The following SLX4IP variants were observed in gnomAD, a reference collection of about 807,000 sequenced individuals.
SLX4IP encodes the protein protein SLX4IP.
SLX4IP carries 34 observed loss-of-function variants against 32.9 expected under a neutral mutation model. The observed-to-expected ratio is 1.03, with a 90% CI of 0.79 to 1.38. SLX4IP has a LOEUF of 1.38. SLX4IP is among the 40% of genes most tolerant of loss of function. SLX4IP has a pLI of 0.00. For synonymous variants in SLX4IP, 172 were observed against 171.7 expected, an observed-to-expected ratio of 1.00 and a Z score of -0.01; for missense variants, 444 against 479.0, an observed-to-expected ratio of 0.93 and a Z score of 0.68.
chr20:10,609,970 CAAAGTT>C (rs2066947822), intron 6 of SLX4IP, among the ~76,000 whole-genome samples: 1 of 151,452 alleles, frequency 6.6e-6, no homozygotes, highest in Admixed American at 6.6e-5. Flanking sequence ...TTTTTCTGGT[CAAAGTT>C]AAATAGCTTC....
At chr20:10,477,117 T>C (rs1395522663) in intron 2 of SLX4IP, among the ~76,000 whole-genome samples, 3 of 152,184 alleles carry the variant, frequency 2.0e-5, no homozygotes, top group Non-Finnish European at 4.4e-5. Context: ...TGTCTTAGGT[T>C]CTAAAGATAC....
chr20:10,517,658 G>T (rs942642968), intron 2 of SLX4IP, among the ~76,000 whole-genome samples: 1 of 152,112 alleles, frequency 6.6e-6, no homozygotes, highest in Non-Finnish European at 1.5e-5. Flanking sequence ...TGCTGCATAG[G>T]GTTGATGTGA....
At chr20:10,450,931 T>A (rs1343889192) in intron 1 of SLX4IP, among the ~76,000 whole-genome samples, 1 of 151,934 alleles carries the variant, frequency 6.6e-6, no homozygotes, top group East Asian at 1.9e-4. Flanking sequence ...TTTTTGGGTT[T>A]TTAGTAGAGA....
At chr20:10,597,722 G>C (rs1426235158) in intron 4 of SLX4IP, among the ~76,000 whole-genome samples, 2 of 152,134 alleles carry the variant, frequency 1.3e-5, no homozygotes, top group African/African-American at 4.8e-5. Context: ...GAGTGCTATT[G>C]TGAACACTGT....
chr20:10,620,944 TAGA>T (rs201521890), intron 6 of SLX4IP, among the ~76,000 whole-genome samples: 3,660 of 152,278 alleles, frequency 0.024, 101 homozygotes, highest in Admixed American at 0.088. Flanking sequence ...CAGGTCTTGC[TAGA>T]AGAACAGAGC....
In SLX4IP at chr20:10,562,021, C is replaced by T. The variant is rs2066337952; in HGVS notation, c.238+1201C>T. On this transcript the variant is annotated intron_variant, in intron 4 of 7. Coordinates refer to ENST00000334534, the MANE Select transcript of SLX4IP (RefSeq NM_001009608.3). ...ACCCTTAGGGGAACATACAGACGGG[C>T]AGTTCATAGGAAGCATGGGCTCCAA... is the stretch of plus-strand genomic sequence containing the variant. 2.6e-5 allele frequency among the ~76,000 whole-genome samples: 4 copies of T among 152,096 alleles called. No individual in the cohort carries two copies. In the South Asian group the frequency reaches 8.3e-4, roughly 31 times the overall value.
chr20:10,474,111 C>G (rs755100027), intron 2 of SLX4IP, among the ~76,000 whole-genome samples: 1 of 152,152 alleles, frequency 6.6e-6, no homozygotes, highest in South Asian at 2.1e-4. Flanking sequence ...GCGTGAGCCA[C>G]GGTGCTCGGC....
chr20:10,534,610 C>T (rs1169320939), intron 2 of SLX4IP, among the ~76,000 whole-genome samples: 1 of 152,156 alleles, frequency 6.6e-6, no homozygotes. Flanking sequence ...AGCCAAGGTC[C>T]TTTCTGCTTT....
At chr20:10,561,538 C>A in intron 4 of SLX4IP, among the ~76,000 whole-genome samples, 1 of 139,668 alleles carries the variant, frequency 7.2e-6, no homozygotes, top group South Asian at 2.3e-4. Context: ...ATCTATTTTT[C>A]TTTTTTCTTT....
intron 2 of SLX4IP, among the ~76,000 whole-genome samples, chr20:10,494,296 TG>T (rs1283891128): frequency 2.6e-5 from 4 of 151,640 alleles, no homozygotes; most frequent in African/African-American, 9.7e-5. Context: ...TGCCTGGGCC[TG>T]TGGTTCTAGG....
At chr20:10,521,970 A>G (rs919014233) in intron 2 of SLX4IP, among the ~76,000 whole-genome samples, 1 of 152,312 alleles carries the variant, frequency 6.6e-6, no homozygotes. Context: ...AGAGATCTGA[A>G]GTATGTGTCA....
At chr20:10,455,164 T>C (rs2065274409) in intron 1 of SLX4IP, among the ~76,000 whole-genome samples, 1 of 152,206 alleles carries the variant, frequency 6.6e-6, no homozygotes, top group Non-Finnish European at 1.5e-5. Flanking sequence ...TTGCAGATTT[T>C]TTTTCTATTC....
chr20:10,612,805 G>A (rs2066982228), intron 6 of SLX4IP: 1 of 153,024 alleles, frequency 6.5e-6, no homozygotes, highest in African/African-American at 2.4e-5. Context: ...CTCCCAAAGT[G>A]CGGGGATTAC....
intron 2 of SLX4IP, among the ~76,000 whole-genome samples, chr20:10,483,231 T>C (rs1488548430): frequency 6.6e-6 from 1 of 152,198 alleles, no homozygotes; most frequent in Admixed American, 6.5e-5. Flanking sequence ...ACAATTCTCG[T>C]GCCTCAGCCT....
chr20:10,590,449 C>T (rs1382371288), intron 4 of SLX4IP, among the ~76,000 whole-genome samples: 1 of 152,072 alleles, frequency 6.6e-6, no homozygotes, highest in Admixed American at 6.6e-5. Flanking sequence ...CAACCTCTGC[C>T]TCCCGGGTTC....
intron 2 of SLX4IP, among the ~76,000 whole-genome samples, chr20:10,480,769 C>A (rs996058908): frequency 1.3e-5 from 2 of 152,178 alleles, no homozygotes; most frequent in African/African-American, 4.8e-5. Flanking sequence ...TTGATTTCTA[C>A]ATTGTAAGTA....
intron 4 of SLX4IP, among the ~76,000 whole-genome samples, chr20:10,583,132 T>C (rs2066604069): frequency 1.3e-5 from 2 of 152,228 alleles, no homozygotes; most frequent in Admixed American, 1.3e-4. Flanking sequence ...TGTTATTTCA[T>C]TTATATGCTC....
intron 1 of SLX4IP, among the ~76,000 whole-genome samples, chr20:10,436,155 A>C (rs1425541533): frequency 2.0e-5 from 3 of 152,150 alleles, no homozygotes; most frequent in Non-Finnish European, 2.9e-5. Flanking sequence ...GCTAGCGTTA[A>C]AACTAATATT....
intron 1 of SLX4IP, among the ~76,000 whole-genome samples, chr20:10,445,785 C>T (rs980915644): frequency 4.6e-5 from 7 of 150,948 alleles, no homozygotes; most frequent in South Asian, 2.1e-4. Context: ...CCACTAAGCC[C>T]GGCTAATTTT....
Sources: gnomAD v4.1 joint callset for allele counts (sites outside exome capture counted in the v4.1 genomes callset) on GRCh38, gnomAD v4.1.1 for gene constraint, MANE v1.5 for transcripts, NCBI Gene and HGNC (gene_info 2026-07-23, HGNC 2026-07-21) for gene names.